Variants in TRPS1 observed in about 807,000 individuals in gnomAD.
The protein encoded by TRPS1 is transcriptional repressor GATA binding 1, also known as zinc finger transcription factor Trps1.
TRPS1 carries 6 observed loss-of-function variants against 101.2 expected under a neutral mutation model. The observed-to-expected ratio is 0.06, with a 90% CI of 0.03 to 0.12. The LOEUF is 0.12. Ranked by LOEUF, TRPS1 falls within the 10% of genes least tolerant of loss-of-function variation. The pLI, the probability that TRPS1 is intolerant of heterozygous loss-of-function variation, is 1.00. For synonymous variants in TRPS1, 578 were observed against 589.8 expected, an observed-to-expected ratio of 0.98 and a Z score of 0.29; for missense variants, 1,363 against 1,567.0, an observed-to-expected ratio of 0.87 and a Z score of 2.20.
chr8:115,490,791 T>G (rs1467893585), intron 5 of TRPS1, among the ~76,000 whole-genome samples: 2 of 152,156 alleles, frequency 1.3e-5, no homozygotes, highest in African/African-American at 4.8e-5. Flanking sequence ...TAGAAAAATG[T>G]TTTCCCAGAA....
chr8:115,538,314 C>T (rs1026353348), intron 5 of TRPS1, among the ~76,000 whole-genome samples: 2 of 152,112 alleles, frequency 1.3e-5, no homozygotes, highest in African/African-American at 4.8e-5. Context: ...CAACTCTTTT[C>T]CCAGGGGGAT....
intron 5 of TRPS1, among the ~76,000 whole-genome samples, chr8:115,522,483 A>G (rs1815890281): frequency 6.6e-6 from 1 of 152,070 alleles, no homozygotes; most frequent in Non-Finnish European, 1.5e-5. Context: ...AGAAGTTTTC[A>G]AAGTAAAGTG....
chr8:115,578,033 A>T (rs719422), intron 5 of TRPS1, among the ~76,000 whole-genome samples: 105,113 of 152,052 alleles, frequency 0.69, 37,754 homozygotes, highest in African/African-American at 0.89. Flanking sequence ...CCTTGACTCA[A>T]CTCTGCTTAA....
chr8:115,536,350 C>T (rs1380407110), intron 5 of TRPS1, among the ~76,000 whole-genome samples: 2 of 151,754 alleles, frequency 1.3e-5, no homozygotes, highest in African/African-American at 2.4e-5. Flanking sequence ...GAAACCCCAT[C>T]GCTACTAAAA....
chr8:115,515,203 G>C, intron 5 of TRPS1: 1 of 694,492 alleles, frequency 1.4e-6, no homozygotes, highest in African/African-American at 1.8e-5. Context: ...ATATTAATAA[G>C]ATCTTCATGG....
chr8:115,460,279 T>A (rs937629115), intron 5 of TRPS1, among the ~76,000 whole-genome samples: 9 of 151,958 alleles, frequency 5.9e-5, no homozygotes, highest in Non-Finnish European at 8.8e-5. Flanking sequence ...TCTGAAATGT[T>A]AGTATTTTAG....
At chr8:115,530,287 C>T (rs1025221993) in intron 5 of TRPS1, among the ~76,000 whole-genome samples, 21 of 152,118 alleles carry the variant, frequency 1.4e-4, no homozygotes, top group African/African-American at 4.8e-4. Flanking sequence ...TTGACCCCCA[C>T]ATTCAGCACT....
intron 5 of TRPS1, among the ~76,000 whole-genome samples, chr8:115,459,622 A>G (rs1814115730): frequency 6.6e-6 from 1 of 152,170 alleles, no homozygotes; most frequent in Non-Finnish European, 1.5e-5. Flanking sequence ...CTGCTGATTT[A>G]GTGATCTTTT....
intron 5 of TRPS1, among the ~76,000 whole-genome samples, chr8:115,532,477 A>G (rs1816160274): frequency 6.6e-6 from 1 of 152,152 alleles, no homozygotes; most frequent in African/African-American, 2.4e-5. Context: ...TTGGAAGCTC[A>G]GTGTCTAGAA....
intron 3 of TRPS1, among the ~76,000 whole-genome samples, chr8:115,611,660 C>T (rs754294505): frequency 1.4e-4 from 22 of 152,248 alleles, no homozygotes; most frequent in South Asian, 8.3e-4. Context: ...AGGCAGTGAT[C>T]ATGAAAGGGC....
intron 5 of TRPS1, among the ~76,000 whole-genome samples, chr8:115,443,942 AC>A (rs1156676674): frequency 1.3e-5 from 2 of 152,212 alleles, no homozygotes; most frequent in African/African-American, 4.8e-5. Flanking sequence ...CTTTCTAAAA[AC>A]ATAGATTTAC....
intron 5 of TRPS1, among the ~76,000 whole-genome samples, chr8:115,478,132 C>T (rs1814651450): frequency 6.6e-6 from 1 of 152,106 alleles, no homozygotes; most frequent in African/African-American, 2.4e-5. Context: ...ATCTATATTG[C>T]CAAATAGATG....
chr8:115,655,952 C>T (rs560915727), intron 1 of TRPS1, among the ~76,000 whole-genome samples: 22 of 152,164 alleles, frequency 1.4e-4, no homozygotes, highest in Non-Finnish European at 2.5e-4. Context: ...TCACAGGAAC[C>T]AAACAAGGGG....
rs16887531 is a variant in TRPS1, at chr8:115,522,500, C to T, written c.2700+64501G>A. ...AAGTTTTCAAAGTAAAGTGTCTGGT[C>T]GCTTTATAATATGAAAAGGTATGGT... On this transcript the variant is annotated intron_variant, in intron 5 of 6. Coordinates refer to ENST00000395715, the MANE Select transcript of TRPS1 (RefSeq NM_014112.5). 9.2e-3 allele frequency among the ~76,000 whole-genome samples: 1,401 copies of T among 151,862 alleles called. 21 individuals carry two copies. The highest frequency in any genetic ancestry group is 0.032 in the African/African-American group (1,341 of 41,450).
rs1408290737 is a variant in TRPS1, at chr8:115,437,494, TGGATTCTTTTCTGAATG to T, written c.2701-19059_2701-19043del. On this transcript the variant is annotated intron_variant, in intron 5 of 6. Coordinates refer to ENST00000395715, the MANE Select transcript of TRPS1 (RefSeq NM_014112.5). ...GTCACAATGATGACAAAGGTAGCATTGGATTCTTTTCTGAATGCATGTATTTACTATCCTGGGTCAAA... is the reference window on the plus strand; with the variant it reads ...GTCACAATGATGACAAAGGTAGCATTCATGTATTTACTATCCTGGGTCAAA... Among the ~76,000 whole-genome samples the T allele has an allele frequency of 5.3e-5, 8 of 152,354 alleles. No homozygotes were observed. In the East Asian group the frequency reaches 1.5e-3, roughly 29 times the overall value.
At chr8:115,469,842 T>C (rs1015366153) in intron 5 of TRPS1, among the ~76,000 whole-genome samples, 1 of 152,196 alleles carries the variant, frequency 6.6e-6, no homozygotes, top group African/African-American at 2.4e-5. Flanking sequence ...TTTGTTTTTT[T>C]AAAACCAACC....
At chr8:115,584,845 T>C (rs1252837790) in intron 5 of TRPS1, among the ~76,000 whole-genome samples, 1 of 152,150 alleles carries the variant, frequency 6.6e-6, no homozygotes, top group East Asian at 1.9e-4. Context: ...ACCTAAATGT[T>C]GCCCAATAAA....
chr8:115,620,083 C>A, intron 2 of TRPS1, 23 bp from the exon 3 acceptor site: 1 of 1,609,098 alleles, frequency 6.2e-7, no homozygotes. Context: ...AGGGAAAAGG[C>A]AGATACAGTG....
chr8:115,546,420 T>C (rs1816574337), intron 5 of TRPS1, among the ~76,000 whole-genome samples: 1 of 152,136 alleles, frequency 6.6e-6, no homozygotes, highest in South Asian at 2.1e-4. Context: ...TACTATTTGT[T>C]TTTAATTTCA....
Sources: gnomAD v4.1 joint callset for allele counts (sites outside exome capture counted in the v4.1 genomes callset) on GRCh38, gnomAD v4.1.1 for gene constraint, MANE v1.5 for transcripts, NCBI Gene and HGNC (gene_info 2026-07-23, HGNC 2026-07-21) for gene names.